ATG7: variants seen among roughly 807,000 people sequenced by gnomAD.
ATG7 encodes autophagy related 7.
ATG7 carries 70 observed loss-of-function variants against 82.4 expected under a neutral mutation model. The observed-to-expected ratio is 0.85, with a 90% CI of 0.70 to 1.04. The LOEUF is 1.04. Ranked by LOEUF, ATG7 falls within the 50% of genes least tolerant of loss-of-function variation. The probability of loss-of-function intolerance (pLI) is 0.00; values close to 1 mark genes in which losing one functional copy is unlikely to be tolerated. For missense variants in ATG7, 792 were observed against 864.3 expected, an observed-to-expected ratio of 0.92 and a Z score of 1.05; for synonymous variants, 287 against 313.0, an observed-to-expected ratio of 0.92 and a Z score of 0.88.
chr3:11,458,810 G>A (rs1449441194), intron 20 of ATG7, among the ~76,000 whole-genome samples: 1 of 152,222 alleles, frequency 6.6e-6, no homozygotes, highest in Non-Finnish European at 1.5e-5. Flanking sequence ...ACTGGTCCGA[G>A]GCCTGTTAGG....
intron 20 of ATG7, among the ~76,000 whole-genome samples, chr3:11,532,607 C>A (rs966108985): frequency 6.6e-6 from 1 of 152,166 alleles, no homozygotes; most frequent in African/African-American, 2.4e-5. Context: ...CCTGTGGTTT[C>A]AGCTACTCAA....
chr3:11,340,696 C>G lies in ATG7; in HGVS notation c.941C>G (p.Pro314Arg). 2 of 1,613,716 alleles carry G rather than the reference C, an allele frequency of 1.2e-6. No homozygotes were observed. Among genetic ancestry groups the G allele is most frequent in the Non-Finnish European group, 1.7e-6 (2 of 1,179,828 alleles). The part of the protein sequence containing the change: ...WEKNQKGGMG[P>R]RMVNLSECMD... ...AAGAACCAGAAAGGAGGCATGGGAC[C>G]AAGGATGGTGAACCTCAGTGAATGT... The change falls in exon 12 of 21, where the codon CCA (proline) becomes CGA (arginine). Residue 314 changes from proline to arginine, a missense_variant. By Grantham distance (103) the Pro-to-Arg change is moderately radical (BLOSUM62 -2). Transcript: ENST00000693202.
intron 20 of ATG7, among the ~76,000 whole-genome samples, chr3:11,501,386 TGTTATTATTTGTCAGAAGGACTGA>T (rs2091307551): frequency 6.6e-6 from 1 of 152,242 alleles, no homozygotes; most frequent in Non-Finnish European, 1.5e-5. Flanking sequence ...AGATACTAGC[TGTTATTATTTGTCAGAAGGACTGA>T]GAAGTTTCTA....
At chr3:11,414,582 G>A (rs2081207266) in intron 19 of ATG7, among the ~76,000 whole-genome samples, 1 of 152,100 alleles carries the variant, frequency 6.6e-6, no homozygotes, top group African/African-American at 2.4e-5. Flanking sequence ...CTATTATGAT[G>A]TTGAAAAGGA....
intron 20 of ATG7, among the ~76,000 whole-genome samples, chr3:11,470,127 A>T (rs914938905): frequency 6.6e-6 from 1 of 152,206 alleles, no homozygotes; most frequent in Admixed American, 6.5e-5. Flanking sequence ...CTGGCAAGTG[A>T]AAAGCTGCTG....
intron 19 of ATG7, among the ~76,000 whole-genome samples, chr3:11,386,317 G>T (rs2078311571): frequency 6.6e-6 from 1 of 152,146 alleles, no homozygotes; most frequent in Non-Finnish European, 1.5e-5. Flanking sequence ...ATTTAAGAAA[G>T]AAAATAACCA....
In ATG7 at chr3:11,557,246, A is replaced by T. The variant is rs1260593576; in HGVS notation, c.*2403A>T. 6.5e-6 allele frequency: 1 copy of T among 152,804 alleles called. No homozygotes were observed. Among genetic ancestry groups the T allele is most frequent in the Non-Finnish European group, 1.5e-5 (1 of 68,044 alleles). 9.5% of individuals were successfully genotyped at this position (152,804 alleles called of 1,614,324 possible). A position where few individuals can be genotyped will look rare whatever the true frequency, so the allele number is the denominator to read the frequency against. On this transcript the variant is annotated 3_prime_UTR_variant, in exon 21 of 21. Transcript: ENST00000693202. The stretch of plus-strand genomic sequence containing the variant: ...GTAGCTATTAATATAGCAAATAATA[A>T]ATGCAGTAATAACAGTATAAAGTCA...
At chr3:11,472,666 T>C (rs2087681854) in intron 20 of ATG7, among the ~76,000 whole-genome samples, 1 of 152,186 alleles carries the variant, frequency 6.6e-6, no homozygotes. Flanking sequence ...TTTCCTAGAA[T>C]GGTATGATAG....
chr3:11,569,813 G>A, the ATG7 span, among the ~76,000 whole-genome samples: 9 of 152,150 alleles, frequency 5.9e-5, no homozygotes, highest in East Asian at 1.7e-3. Flanking sequence ...CCCAGGAGGT[G>A]GAGGCTACAG....
chr3:11,445,701 C>T (rs568036643), intron 20 of ATG7, among the ~76,000 whole-genome samples: 59 of 152,230 alleles, frequency 3.9e-4, no homozygotes, highest in Non-Finnish European at 6.3e-4. Context: ...AGAAAATATG[C>T]ATCTTCAATT....
intron 19 of ATG7, among the ~76,000 whole-genome samples, chr3:11,419,053 CAAAG>C: frequency 6.6e-6 from 1 of 152,106 alleles, no homozygotes; most frequent in African/African-American, 2.4e-5. Context: ...GACACAGAGC[CAAAG>C]CATATCAAGT....
intron 1 of ATG7, among the ~76,000 whole-genome samples, chr3:11,272,944 G>T (rs927760124): frequency 2.0e-5 from 3 of 152,232 alleles, no homozygotes; most frequent in African/African-American, 7.2e-5. Flanking sequence ...AGAAACTAAT[G>T]CACAATAAGA....
intron 14 of ATG7, among the ~76,000 whole-genome samples, chr3:11,350,973 G>T (rs1269039265): frequency 6.9e-6 from 1 of 144,952 alleles, no homozygotes; most frequent in Non-Finnish European, 1.5e-5. Context: ...TATCGTTGGA[G>T]AGTATTATGA....
intron 20 of ATG7, among the ~76,000 whole-genome samples, chr3:11,459,435 C>CA (rs2086090278): frequency 6.6e-6 from 1 of 151,610 alleles, no homozygotes; most frequent in South Asian, 2.1e-4. Flanking sequence ...TAGCTATACT[C>CA]AACATCATAG....
intron 20 of ATG7, among the ~76,000 whole-genome samples, chr3:11,500,061 G>A (rs2091206503): frequency 6.6e-6 from 1 of 152,200 alleles, no homozygotes; most frequent in Non-Finnish European, 1.5e-5. Context: ...ATCTTCTGGG[G>A]ATGCTGTAAA....
intron 20 of ATG7, among the ~76,000 whole-genome samples, chr3:11,550,252 C>CT (rs1313029616): frequency 6.6e-6 from 1 of 151,256 alleles, no homozygotes; most frequent in Non-Finnish European, 1.5e-5. Context: ...CTTTTTGTGT[C>CT]TTAAGAAACC....
At chr3:11,367,269 C>T (rs2076690108) in intron 18 of ATG7, among the ~76,000 whole-genome samples, 1 of 152,160 alleles carries the variant, frequency 6.6e-6, no homozygotes, top group Non-Finnish European at 1.5e-5. Flanking sequence ...GCACTTCCCT[C>T]CTCCTCTTCC....
chr3:11,379,418 T>C (rs1033473756), intron 18 of ATG7, among the ~76,000 whole-genome samples: 2 of 152,218 alleles, frequency 1.3e-5, no homozygotes, highest in Non-Finnish European at 2.9e-5. Context: ...CTCAAGGTGG[T>C]GCTGTTTCCC....
intron 20 of ATG7, chr3:11,477,322 A>G: frequency 8.4e-7 from 1 of 1,186,282 alleles, no homozygotes; most frequent in Non-Finnish European, 1.1e-6. Flanking sequence ...TTGTGCTACA[A>G]ACTCCTGAAT....
Sources: allele counts gnomAD v4.1 joint callset (sites outside exome capture counted in the v4.1 genomes callset), GRCh38; gene constraint gnomAD v4.1.1; transcripts MANE v1.5; gene names NCBI Gene and HGNC (gene_info 2026-07-23, HGNC 2026-07-21).